The following CNTNAP5 variants were observed in gnomAD, a reference collection of about 807,000 sequenced individuals.
CNTNAP5 encodes the protein contactin-associated protein-like 5.
A neutral mutation model predicts 150.2 loss-of-function variants in CNTNAP5; 72 were observed. The ratio of observed to expected loss-of-function variants is 0.48; its 90% CI spans 0.40 to 0.58. The LOEUF (loss-of-function observed/expected upper bound fraction) is 0.58, where lower values mean the gene tolerates loss of function less well. Ranked by LOEUF, CNTNAP5 falls within the 20% of genes least tolerant of loss-of-function variation. The pLI is 0.00. For missense variants in CNTNAP5, 1,636 were observed against 1,626.2 expected (o/e 1.01, Z -0.10); for synonymous variants, 672 against 619.8 (o/e 1.08, Z -1.25).
chr2:124,724,364 C>T (rs1472179536), intron 13 of CNTNAP5, among the ~76,000 whole-genome samples: 1 of 151,858 alleles, frequency 6.6e-6, no homozygotes, highest in African/African-American at 2.4e-5. Context: ...GGTTCCACAC[C>T]CTCGCCAGGG....
chr2:124,436,090 G>C (rs1468310004), intron 5 of CNTNAP5, among the ~76,000 whole-genome samples: 3 of 152,170 alleles, frequency 2.0e-5, no homozygotes, highest in Non-Finnish European at 4.4e-5. Context: ...CCAGAAAGGA[G>C]ATCAGATGAA....
chr2:124,519,772 T>C (rs2104881488), intron 8 of CNTNAP5, among the ~76,000 whole-genome samples: 1 of 152,352 alleles, frequency 6.6e-6, no homozygotes, highest in Admixed American at 6.5e-5. Context: ...GTTGGAAGGA[T>C]GAAAACTGTC....
At chr2:124,869,338 C>G (rs948303034) in intron 20 of CNTNAP5, among the ~76,000 whole-genome samples, 1 of 152,102 alleles carries the variant, frequency 6.6e-6, no homozygotes, top group East Asian at 1.9e-4. Context: ...TCTTGCACAG[C>G]AAGTTCCTGA....
At position 124,782,424 on chromosome 2, in the gene CNTNAP5, C is replaced by G. The variant is rs376947305; in HGVS notation, c.2753-7478C>G. The stretch of plus-strand genomic sequence containing the variant: ...TCATTATGTATTGTGAAATTGATAC[C>G]TTTTTCTGTACTAGAAGGTCATGTG... On this transcript the variant is annotated intron_variant, in intron 17 of 23. Transcript: ENST00000682447. Among the ~76,000 whole-genome samples, 10 of 152,180 alleles carry G rather than the reference C, an allele frequency of 6.6e-5. No individual in the cohort carries two copies. In the East Asian group the frequency reaches 7.7e-4, roughly 12 times the overall value.
intron 13 of CNTNAP5, among the ~76,000 whole-genome samples, chr2:124,713,464 A>C (rs2105107977): frequency 6.7e-6 from 1 of 148,486 alleles, no homozygotes; most frequent in East Asian, 2.0e-4. Flanking sequence ...TGAAACCTCC[A>C]CCTCTCCGGT....
At chr2:124,411,019 T>C (rs528016730) in intron 3 of CNTNAP5, among the ~76,000 whole-genome samples, 4 of 151,786 alleles carry the variant, frequency 2.6e-5, no homozygotes, top group African/African-American at 9.7e-5. Context: ...AAGAATCAAA[T>C]AGATGCAATA....
chr2:124,194,396 TATATATATATATATAA>T (rs1406361713), intron 1 of CNTNAP5, among the ~76,000 whole-genome samples: 138 of 8,918 alleles, frequency 0.015, 1 homozygote, highest in East Asian at 0.07. Context: ...TATATATATA[TATATATATATATATAA>T]ATATAAATAG....
chr2:124,659,746 G>A (rs1390642064), intron 13 of CNTNAP5, among the ~76,000 whole-genome samples: 5 of 152,148 alleles, frequency 3.3e-5, no homozygotes, highest in Non-Finnish European at 5.9e-5. Context: ...GAGACTATAT[G>A]TACATGTGAG....
chr2:124,078,778 C>T (rs973147012), intron 1 of CNTNAP5, among the ~76,000 whole-genome samples: 2 of 151,974 alleles, frequency 1.3e-5, no homozygotes, highest in South Asian at 2.1e-4. Context: ...GTGAGATTGT[C>T]CCAGGAAGTA....
intron 1 of CNTNAP5, 117 bp from the exon 2 acceptor site, chr2:124,221,588 T>C: frequency 1.5e-6 from 1 of 687,762 alleles, no homozygotes; most frequent in South Asian, 1.8e-5. Context: ...GTACCTGACC[T>C]TGTTCAGAGC....
At chr2:124,837,015 C>T (rs935309136) in intron 19 of CNTNAP5, among the ~76,000 whole-genome samples, 1 of 152,034 alleles carries the variant, frequency 6.6e-6, no homozygotes, top group Non-Finnish European at 1.5e-5. Flanking sequence ...AGAGTCAGCA[C>T]CTCTCATCTT....
chr2:124,079,888 A>G (rs1304194530), intron 1 of CNTNAP5, among the ~76,000 whole-genome samples: 1 of 152,170 alleles, frequency 6.6e-6, no homozygotes, highest in Non-Finnish European at 1.5e-5. Flanking sequence ...CTAGCCAGAT[A>G]TGTTTCAGTC....
intron 19 of CNTNAP5, among the ~76,000 whole-genome samples, chr2:124,838,841 C>T (rs897429738): frequency 1.3e-5 from 2 of 152,018 alleles, no homozygotes; most frequent in East Asian, 3.9e-4. Context: ...TTAGTAAATT[C>T]CTTATTTCCT....
chr2:124,806,976 A>G (rs942832761), intron 19 of CNTNAP5, among the ~76,000 whole-genome samples: 6 of 149,658 alleles, frequency 4.0e-5, no homozygotes, highest in African/African-American at 1.5e-4. Context: ...TAGCTTTTGG[A>G]CTGGAACTCT....
intron 21 of CNTNAP5, among the ~76,000 whole-genome samples, chr2:124,883,768 G>T (rs1379741706): frequency 6.6e-6 from 1 of 152,068 alleles, no homozygotes; most frequent in East Asian, 1.9e-4. Flanking sequence ...GTGCATGCTT[G>T]CATATGTCCA....
chr2:124,732,611 T>G (rs931184534), intron 13 of CNTNAP5, among the ~76,000 whole-genome samples: 1 of 152,154 alleles, frequency 6.6e-6, no homozygotes, highest in African/African-American at 2.4e-5. Flanking sequence ...TCCAGAATTG[T>G]AAGACATCAA....
intron 19 of CNTNAP5, among the ~76,000 whole-genome samples, chr2:124,844,676 T>C (rs748263094): frequency 7.9e-5 from 12 of 152,110 alleles, no homozygotes; most frequent in Non-Finnish European, 1.8e-4. Context: ...ATGACTTCTT[T>C]CAGCAGTGTT....
At chr2:124,634,145 C>T (rs1237466533) in intron 12 of CNTNAP5, among the ~76,000 whole-genome samples, 3 of 152,144 alleles carry the variant, frequency 2.0e-5, no homozygotes, top group Non-Finnish European at 4.4e-5. Flanking sequence ...GAATGCTTTC[C>T]CTGAAAGTGG....
chr2:124,388,842 G>A (rs1018676677), intron 3 of CNTNAP5, among the ~76,000 whole-genome samples: 5 of 151,956 alleles, frequency 3.3e-5, no homozygotes, highest in South Asian at 2.1e-4. Flanking sequence ...TGTCATGCCC[G>A]GCTAATTTTT....
Sources: allele counts gnomAD v4.1 joint callset (sites outside exome capture counted in the v4.1 genomes callset), GRCh38; gene constraint gnomAD v4.1.1; transcripts MANE v1.5; gene names NCBI Gene and HGNC (gene_info 2026-07-23, HGNC 2026-07-21).